Variants in APOOL observed in about 807,000 individuals in gnomAD.
The protein encoded by APOOL is MICOS complex subunit MIC27.
A neutral mutation model predicts 23.1 loss-of-function variants in APOOL; 12 were observed. That is an observed-to-expected ratio of 0.52 (90% CI 0.33 to 0.84). APOOL has a LOEUF of 0.84. Among genes scored for constraint, APOOL ranks in the 40% least tolerant of loss-of-function variants. APOOL has a pLI of 0.02. For missense variants in APOOL, 212 were observed against 199.6 expected (o/e 1.06, Z -0.37); for synonymous variants, 77 against 69.9 (o/e 1.10, Z -0.51).
chrX:85,091,180 G>A lies in APOOL; in HGVS notation c.*3502G>A, dbSNP rs1007463461. ...CAGGAGAATCACTTGAATCCGGGAG[G>A]TGGAGGCTGCAGTGAGCCGAGATCG... On this transcript the variant is annotated 3_prime_UTR_variant, in exon 9 of 9. Coordinates refer to ENST00000373173, the MANE Select transcript of APOOL (RefSeq NM_198450.6). 5.3e-5 allele frequency: 6 copies of A among 112,496 alleles called. No individual in the cohort carries two copies. Among genetic ancestry groups the A allele is most frequent in the African/African-American group, 1.6e-4 (5 of 30,954 alleles). The allele number at this position is 112,496 out of a possible 1,213,427, so 9.3% of individuals were successfully genotyped here. A position where few individuals can be genotyped will look rare whatever the true frequency, so the allele number is the denominator to read the frequency against.
At chrX:85,046,032 G>A (rs1226642353) in intron 1 of APOOL, among the ~76,000 whole-genome samples, 1 of 110,832 alleles carries the variant, frequency 9.0e-6, no homozygotes. Flanking sequence ...AGGAATCTTT[G>A]TTTTGTTCAC....
chrX:85,017,603 T>C (rs1246140506), intron 1 of APOOL, among the ~76,000 whole-genome samples: 1 of 111,668 alleles, frequency 9.0e-6, no homozygotes, highest in Non-Finnish European at 1.9e-5. Flanking sequence ...CTTTCACCCT[T>C]TGACCGCTCC....
intron 1 of APOOL, among the ~76,000 whole-genome samples, chrX:85,006,961 A>G (rs191998227): frequency 3.4e-4 from 38 of 111,584 alleles, no homozygotes; most frequent in African/African-American, 1.2e-3. Context: ...AACCTTGCAA[A>G]GAGGAGACAC....
rs1924410957 is a variant in APOOL at position 85,088,157 on chromosome X, TACATATTTATACATATATGTATAAATAC to T, written c.*481_*508del. The T allele has an allele frequency of 1.1e-4, 2 of 18,723 alleles. No individual in the cohort carries two copies. Among genetic ancestry groups the T allele is most frequent in the African/African-American group, 3.5e-4 (2 of 5,729 alleles). The allele number at this position is 18,723 out of a possible 1,213,427, so 1.5% of individuals were successfully genotyped here. A position where few individuals can be genotyped will look rare whatever the true frequency, so the allele number is the denominator to read the frequency against. On this transcript the variant is annotated 3_prime_UTR_variant, in exon 9 of 9. Coordinates refer to ENST00000373173, the MANE Select transcript of APOOL (RefSeq NM_198450.6). ...ATTTATACATATATGTATAAATACATACATATTTATACATATATGTATAAATACATACATATTTATACATATATATGTA... is the reference window on the plus strand; with the variant it reads ...ATTTATACATATATGTATAAATACATATACATATTTATACATATATATGTA...
intron 1 of APOOL, among the ~76,000 whole-genome samples, chrX:85,005,631 C>T (rs1477047959): frequency 9.0e-6 from 1 of 111,162 alleles, no homozygotes; most frequent in Non-Finnish European, 1.9e-5. Flanking sequence ...TCCGTAGTAC[C>T]TAGCACAGGT....
chrX:85,012,143 G>A (rs1171886850), intron 1 of APOOL, among the ~76,000 whole-genome samples: 2 of 111,519 alleles, frequency 1.8e-5, no homozygotes, highest in Non-Finnish European at 3.8e-5. Flanking sequence ...TTGATTCTCA[G>A]CTTGATCGTT....
Position 85,087,742 on chromosome X carries a change from A to C in APOOL, c.*64A>C. On this transcript the variant is annotated 3_prime_UTR_variant, in exon 9 of 9. Coordinates refer to ENST00000373173, the MANE Select transcript of APOOL (RefSeq NM_198450.6). ...ATGTGTGGCGTTGCAAATAATGATGAAAATAAATCATGTAATGGGTAACTG... is the reference window on the plus strand; with the variant it reads ...ATGTGTGGCGTTGCAAATAATGATGCAAATAAATCATGTAATGGGTAACTG... 1 of 964,185 alleles carries C rather than the reference A, an allele frequency of 1.0e-6. No individual in the cohort carries two copies. The highest frequency in any genetic ancestry group is 1.4e-6 in the Non-Finnish European group (1 of 707,664). The allele number at this position is 964,185 out of a possible 1,213,427, so 79.5% of individuals were successfully genotyped here. A position where few individuals can be genotyped will look rare whatever the true frequency, so the allele number is the denominator to read the frequency against.
intron 1 of APOOL, among the ~76,000 whole-genome samples, chrX:85,034,808 A>G (rs1179869435): frequency 2.7e-5 from 3 of 111,873 alleles, no homozygotes; most frequent in African/African-American, 9.7e-5. Flanking sequence ...TTTTTTATGG[A>G]TGCATAGTAT....
chrX:85,021,053 C>T lies in APOOL; in HGVS notation c.15+17126C>T, dbSNP rs1921647149. 2.7e-5 allele frequency among the ~76,000 whole-genome samples: 3 copies of T among 112,176 alleles called. No individual in the cohort carries two copies. In the Admixed American group the frequency reaches 2.8e-4, roughly 10 times the overall value. ...ATGGCCATAGGCTTGGGGTCCACTC[C>T]TTAGCACCCTTAGCCTTTGACACTA... is the stretch of plus-strand genomic sequence containing the variant. On this transcript the variant is annotated intron_variant, in intron 1 of 8. Coordinates refer to ENST00000373173, the MANE Select transcript of APOOL (RefSeq NM_198450.6).
chrX:85,046,858 G>A (rs1922593981), intron 2 of APOOL, among the ~76,000 whole-genome samples: 1 of 111,367 alleles, frequency 9.0e-6, no homozygotes, highest in Admixed American at 9.6e-5. Context: ...GGTACATTCA[G>A]TATTAGGAAA....
chrX:85,036,384 A>T (rs1380809725), intron 1 of APOOL, among the ~76,000 whole-genome samples: 2 of 111,932 alleles, frequency 1.8e-5, no homozygotes, highest in African/African-American at 6.5e-5. Flanking sequence ...TTGGACAGAG[A>T]CTATGGGGTT....
intron 6 of APOOL, among the ~76,000 whole-genome samples, chrX:85,067,664 A>ACG (rs1556373910): frequency 1.8e-5 from 2 of 109,134 alleles, no homozygotes; most frequent in Non-Finnish European, 3.8e-5. Context: ...ACACACACAC[A>ACG]CACGCACAGG....
At chrX:85,066,641 A>G (rs778912700) in intron 5 of APOOL, among the ~76,000 whole-genome samples, 1 of 111,134 alleles carries the variant, frequency 9.0e-6, no homozygotes, top group Non-Finnish European at 1.9e-5. Context: ...GGAGTTATGT[A>G]CCTGTTAAAG....
intron 5 of APOOL, among the ~76,000 whole-genome samples, chrX:85,064,118 C>A (rs1194447552): frequency 1.8e-5 from 2 of 110,495 alleles, no homozygotes; most frequent in Non-Finnish European, 3.8e-5. Context: ...GTGTATGTGT[C>A]CAGAAATTTA....
intron 1 of APOOL, among the ~76,000 whole-genome samples, chrX:85,032,751 T>C (rs1922083636): frequency 9.0e-6 from 1 of 111,548 alleles, no homozygotes. Flanking sequence ...TGAAATGCTT[T>C]ACCATTAATA....
chrX:85,078,941 G>C (rs990048809), intron 8 of APOOL, among the ~76,000 whole-genome samples: 2 of 111,832 alleles, frequency 1.8e-5, no homozygotes, highest in Non-Finnish European at 3.8e-5. Flanking sequence ...CATTGATTTT[G>C]TATCCTGAGA....
intron 1 of APOOL, among the ~76,000 whole-genome samples, chrX:85,004,221 C>G (rs894638723): frequency 9.0e-6 from 1 of 111,043 alleles, no homozygotes; most frequent in African/African-American, 3.3e-5. Context: ...GGCGACGAGC[C>G]GCAGTAGACG....
At chrX:85,015,510 TTC>T (rs1921435642) in intron 1 of APOOL, among the ~76,000 whole-genome samples, 1 of 109,700 alleles carries the variant, frequency 9.1e-6, no homozygotes, top group African/African-American at 3.3e-5. Context: ...TATTTTAAAT[TTC>T]TTTTTTTCCT....
intron 1 of APOOL, among the ~76,000 whole-genome samples, chrX:85,040,636 A>C (rs1922371875): frequency 9.0e-6 from 1 of 111,347 alleles, no homozygotes; most frequent in Non-Finnish European, 1.9e-5. Context: ...GGAAGAACTG[A>C]TCTTCAAGCT....
Sources: gnomAD v4.1 joint callset for allele counts (sites outside exome capture counted in the v4.1 genomes callset) on GRCh38, gnomAD v4.1.1 for gene constraint, MANE v1.5 for transcripts, NCBI Gene and HGNC (gene_info 2026-07-23, HGNC 2026-07-21) for gene names.